The following NELL2 variants were observed in gnomAD, a reference collection of about 807,000 sequenced individuals.
The protein encoded by NELL2 is neural EGFL like 2, also known as protein kinase C-binding protein NELL2.
In NELL2, 41 loss-of-function variants were observed where a neutral mutation model predicts 109.6. The ratio of observed to expected loss-of-function variants is 0.37; its 90% confidence interval spans 0.29 to 0.49. NELL2 has a LOEUF of 0.49. Among genes scored for constraint, NELL2 ranks in the 20% least tolerant of loss-of-function variants. NELL2 has a pLI of 0.98. For missense variants in NELL2, 900 were observed against 1,008.3 expected (o/e 0.89, Z 1.45); for synonymous variants, 355 against 344.7 (o/e 1.03, Z -0.33).
intron 19 of NELL2, among the ~76,000 whole-genome samples, chr12:44,509,650 G>A (rs1940895992): frequency 6.6e-6 from 1 of 152,144 alleles, no homozygotes; most frequent in Admixed American, 6.5e-5. Flanking sequence ...TACCAGATCT[G>A]CCAGGGTCTG....
chr12:44,540,308 CA>C (rs1942493029), intron 15 of NELL2, among the ~76,000 whole-genome samples: 1 of 152,058 alleles, frequency 6.6e-6, no homozygotes, highest in South Asian at 2.1e-4. Context: ...AAGTATAATA[CA>C]TTTTTGTATT....
At chr12:44,854,370 A>G (rs538183504) in intron 2 of NELL2, among the ~76,000 whole-genome samples, 2 of 152,362 alleles carry the variant, frequency 1.3e-5, no homozygotes, top group Admixed American at 1.3e-4. Flanking sequence ...TCTCAGTAGC[A>G]AAGAAAGCAT....
chr12:44,874,436 C>T (rs1175200667), intron 2 of NELL2, among the ~76,000 whole-genome samples: 1 of 152,138 alleles, frequency 6.6e-6, no homozygotes, highest in Non-Finnish European at 1.5e-5. Context: ...ACAAGCAATC[C>T]TCAAAAGCTC....
intron 16 of NELL2, among the ~76,000 whole-genome samples, chr12:44,528,097 C>CAAAAAAAAAAAAAAAAAAAAAAAAAAAAA (rs71093812): frequency 3.2e-4 from 7 of 22,000 alleles, no homozygotes; most frequent in South Asian, 3.6e-3. Context: ...GACTCCGTCT[C>CAAAAAAAAAAAAAAAAAAAAAAAAAAAAA]AAAAAAAAAA....
At position 44,654,018 on chromosome 12, in the gene NELL2, C is replaced by T. The variant is rs994098325; in HGVS notation, c.1444+11466G>A. Among the ~76,000 whole-genome samples, 4 of 152,246 alleles carry T rather than the reference C, an allele frequency of 2.6e-5. No homozygotes were observed. The East Asian group carries it at 5.8e-4, about 22-fold the overall frequency. On this transcript the variant is annotated intron_variant, in intron 13 of 19. Coordinates refer to ENST00000429094, the MANE Select transcript of NELL2 (RefSeq NM_001145108.2). ...TTTCTCTCTTGAAACGTCTGTTCAT[C>T]CTTAAAAACCTCAATTTCAATGTCA...
At chr12:44,848,376 G>A (rs1944436296) in intron 2 of NELL2, among the ~76,000 whole-genome samples, 1 of 152,180 alleles carries the variant, frequency 6.6e-6, no homozygotes, top group South Asian at 2.1e-4. Flanking sequence ...CAGTCAGCCA[G>A]GAGATGCCAC....
chr12:44,523,514 T>G, intron 16 of NELL2, 30 bp from the exon 17 acceptor site: 1 of 1,602,980 alleles, frequency 6.2e-7, no homozygotes, highest in African/African-American at 1.3e-5. Flanking sequence ...GCACTCAATG[T>G]GCTTAGAATA....
At chr12:44,579,689 AGT>A (rs1260554420) in intron 15 of NELL2, among the ~76,000 whole-genome samples, 3 of 152,172 alleles carry the variant, frequency 2.0e-5, no homozygotes, top group Non-Finnish European at 4.4e-5. Flanking sequence ...TGTCAAATAC[AGT>A]TAAACTGTTT....
chr12:44,522,344 A>G (rs774251522), intron 17 of NELL2, among the ~76,000 whole-genome samples, 168 bp from the exon 18 acceptor site: 5 of 152,164 alleles, frequency 3.3e-5, no homozygotes, highest in Non-Finnish European at 5.9e-5. Flanking sequence ...AGCTAACACA[A>G]AGAAATTACC....
At chr12:44,523,585 T>A in intron 16 of NELL2, 101 bp from the exon 17 acceptor site, 1 of 925,270 alleles carries the variant, frequency 1.1e-6, no homozygotes, top group Non-Finnish European at 1.6e-6. Context: ...TATTCAACTG[T>A]AAATTAATTT....
At chr12:44,749,882 T>C (rs904502661) in intron 9 of NELL2, among the ~76,000 whole-genome samples, 1 of 151,902 alleles carries the variant, frequency 6.6e-6, no homozygotes, top group African/African-American at 2.4e-5. Context: ...TTAGTGAGTA[T>C]ACAAGGAACA....
chr12:44,611,393 T>C (rs1218447425), intron 13 of NELL2, among the ~76,000 whole-genome samples: 1 of 152,016 alleles, frequency 6.6e-6, no homozygotes, highest in Non-Finnish European at 1.5e-5. Context: ...TGTAGGATAA[T>C]AAAGCTGAAG....
At chr12:44,889,653 C>T (rs934859243) in intron 1 of NELL2, among the ~76,000 whole-genome samples, 5 of 151,032 alleles carry the variant, frequency 3.3e-5, no homozygotes, top group African/African-American at 4.9e-5. Context: ...ATCCAGAAAT[C>T]GGCTTTACTT....
intron 2 of NELL2, among the ~76,000 whole-genome samples, chr12:44,818,968 T>C (rs913801188): frequency 2.0e-5 from 3 of 151,826 alleles, no homozygotes; most frequent in Middle Eastern, 6.8e-3. Flanking sequence ...GGTCTCGATC[T>C]CCTGACCTCA....
chr12:44,566,243 T>C (rs953243218), intron 15 of NELL2, among the ~76,000 whole-genome samples: 3 of 152,194 alleles, frequency 2.0e-5, no homozygotes, highest in Admixed American at 2.0e-4. Context: ...CAAGATTTTT[T>C]AGTGTACTGA....
chr12:44,872,239 T>C (rs764647139), intron 2 of NELL2, among the ~76,000 whole-genome samples: 1 of 152,140 alleles, frequency 6.6e-6, no homozygotes, highest in Non-Finnish European at 1.5e-5. Context: ...GCAAGTCAGA[T>C]TATAGCTAGA....
chr12:44,519,955 C>T (rs751064579), intron 19 of NELL2, 50 bp downstream of exon 19: 1 of 1,503,458 alleles, frequency 6.7e-7, no homozygotes, highest in South Asian at 1.1e-5. Context: ...ATCTATGAGC[C>T]CTGGGTGCAG....
At chr12:44,620,714 G>C (rs139053833) in intron 13 of NELL2, among the ~76,000 whole-genome samples, 1 of 152,000 alleles carries the variant, frequency 6.6e-6, no homozygotes, top group Admixed American at 6.6e-5. Context: ...TCCGGGGCCA[G>C]GTCACCTGGA....
chr12:44,580,751 T>C (rs1191588323), intron 15 of NELL2, among the ~76,000 whole-genome samples: 1 of 152,012 alleles, frequency 6.6e-6, no homozygotes, highest in African/African-American at 2.4e-5. Flanking sequence ...ATGCATGAAT[T>C]TGCTGAATTT....
Sources: allele counts gnomAD v4.1 joint callset (sites outside exome capture counted in the v4.1 genomes callset), GRCh38; gene constraint gnomAD v4.1.1; transcripts MANE v1.5; gene names NCBI Gene and HGNC (gene_info 2026-07-23, HGNC 2026-07-21).